The following GSDMB variants were observed in gnomAD, a reference collection of about 807,000 sequenced individuals.
GSDMB encodes gasdermin B.
Under a neutral mutation model 42.9 loss-of-function variants are expected in GSDMB, and 32 were observed. That is an observed-to-expected ratio of 0.75 (90% CI 0.56 to 1.00). The LOEUF is 1.00. Ranked by LOEUF, GSDMB falls within the 50% of genes least tolerant of loss-of-function variation. GSDMB has a pLI of 0.00. For synonymous variants in GSDMB, 175 were observed against 193.7 expected (o/e 0.90, Z 0.80); for missense variants, 468 against 498.5 (o/e 0.94, Z 0.58).
intron 1 of GSDMB, 36 bp from the exon 2 acceptor site, chr17:39,917,366 A>G: frequency 8.1e-7 from 1 of 1,231,640 alleles, no homozygotes; most frequent in Non-Finnish European, 1.2e-6. Flanking sequence ...TTTTGGGAGG[A>G]GGGTATTGGT....
intron 3 of GSDMB, among the ~76,000 whole-genome samples, chr17:39,910,567 G>C (rs774269373): frequency 4.6e-5 from 7 of 152,134 alleles, no homozygotes; most frequent in Non-Finnish European, 7.3e-5. Flanking sequence ...AGTCCAAAGA[G>C]AGTGCCCTTC....
At chr17:39,910,788 A>T (rs775427255) in intron 3 of GSDMB, among the ~76,000 whole-genome samples, 3 of 152,174 alleles carry the variant, frequency 2.0e-5, no homozygotes, top group Non-Finnish European at 4.4e-5. Flanking sequence ...CCCTCAAGAC[A>T]TGGGTCCCTG....
chr17:39,915,543 T>A (rs929805511), intron 2 of GSDMB, among the ~76,000 whole-genome samples: 30 of 152,166 alleles, frequency 2.0e-4, no homozygotes, highest in African/African-American at 7.2e-4. Context: ...TGGCAAAACA[T>A]CCTAGTTCTG....
At chr17:39,911,403 A>T (rs2063606187) in intron 3 of GSDMB, among the ~76,000 whole-genome samples, 1 of 151,902 alleles carries the variant, frequency 6.6e-6, no homozygotes, top group Admixed American at 6.6e-5. Flanking sequence ...ACTGTGGGTC[A>T]CCTTCCCCTG....
intron 7 of GSDMB, chr17:39,906,722 C>T (rs1015869801): frequency 5.6e-6 from 7 of 1,255,816 alleles, no homozygotes; most frequent in African/African-American, 4.5e-5. Context: ...TTTCTGGAGA[C>T]GGGACTCAGT....
At position 39,904,912 on chromosome 17, in the gene GSDMB, T is replaced by C. The variant is rs1458005166; in HGVS notation, c.1151A>G (p.Asp384Gly). The C allele has an allele frequency of 1.2e-6, 2 of 1,613,548 alleles. No homozygotes were observed. Among genetic ancestry groups the C allele is most frequent in the Admixed American group, 1.7e-5 (1 of 60,006 alleles). Residue 384 changes from aspartate to glycine, a missense_variant, in exon 11 of 11, where the codon GAC becomes GGC. Physicochemically the swap from Asp to Gly is moderately conservative, Grantham distance 94 (BLOSUM62 -1). Transcript: ENST00000418519. ...TCGTGCCTCAGGGTCATAGTCCATGTCAGGAGGACTGCTGGCCAGCTCATC... is the reference window on the plus strand; with the variant it reads ...TCGTGCCTCAGGGTCATAGTCCATGCCAGGAGGACTGCTGGCCAGCTCATC... ...NWDELASSPP[D>G]MDYDPEARIL...
chr17:39,907,101 G>A, intron 6 of GSDMB, 114 bp from the exon 7 acceptor site: 2 of 1,551,512 alleles, frequency 1.3e-6, no homozygotes, highest in Admixed American at 1.9e-5. Flanking sequence ...CTCACTGCTG[G>A]TGCCAGGGAG....
At chr17:39,906,675 C>A in intron 7 of GSDMB, 1 of 1,225,780 alleles carries the variant, frequency 8.2e-7, no homozygotes, top group Non-Finnish European at 1.1e-6. Context: ...ATTACAAATC[C>A]TGATGTCCAG....
At chr17:39,906,859 C>T (rs769121711) in intron 7 of GSDMB, 102 bp downstream of exon 7, 40 of 1,587,272 alleles carry the variant, frequency 2.5e-5, no homozygotes, top group Non-Finnish European at 3.3e-5. Flanking sequence ...CTCCCGACTT[C>T]CTACCCACTC....
chr17:39,918,618 T>A lies in GSDMB; in HGVS notation c.-99A>T, dbSNP rs549308230. 1.1e-4 allele frequency: 17 copies of A among 151,950 alleles called. No individual in the cohort carries two copies. The highest frequency in any genetic ancestry group is 3.9e-4 in the African/African-American group (16 of 41,474). 9.4% of individuals were successfully genotyped at this position (151,950 alleles called of 1,614,324 possible). On this transcript the variant is annotated 5_prime_UTR_variant, in exon 1 of 11. Transcript: ENST00000418519. ...CTGCACAGTTCCTGGCCTCTGAATCTCAGGAAGCTAAAATAATGAAACTGA... is the reference window on the plus strand; with the variant it reads ...CTGCACAGTTCCTGGCCTCTGAATCACAGGAAGCTAAAATAATGAAACTGA...
chr17:39,911,089 G>T (rs1175154285), intron 3 of GSDMB, among the ~76,000 whole-genome samples: 1 of 152,100 alleles, frequency 6.6e-6, no homozygotes, highest in Non-Finnish European at 1.5e-5. Context: ...ATCACCTGAG[G>T]TCAGGAGTTC....
At chr17:39,917,055 G>C in intron 2 of GSDMB, 27 bp downstream of exon 2, 1 of 1,494,148 alleles carries the variant, frequency 6.7e-7, no homozygotes, top group Non-Finnish European at 9.3e-7. Flanking sequence ...CTCCTGGCTG[G>C]CCACCTGTCA....
At chr17:39,911,111 T>G (rs984521131) in intron 3 of GSDMB, among the ~76,000 whole-genome samples, 1 of 151,886 alleles carries the variant, frequency 6.6e-6, no homozygotes, top group Non-Finnish European at 1.5e-5. Flanking sequence ...AGACCAGATC[T>G]CTCTCCAAAA....
At chr17:39,905,623 T>G in intron 9 of GSDMB, 127 bp from the exon 10 acceptor site, 1 of 925,874 alleles carries the variant, frequency 1.1e-6, no homozygotes, top group Non-Finnish European at 1.7e-6. Flanking sequence ...TAGATGAGAC[T>G]TACTCCAAAC....
intron 2 of GSDMB, among the ~76,000 whole-genome samples, chr17:39,912,823 G>A (rs921650): frequency 0.6 from 90,884 of 152,158 alleles, 28,388 homozygotes; most frequent in African/African-American, 0.79. Flanking sequence ...AGGGAAATTA[G>A]GGCTGGGCAC....
rs1347258625 is a variant in GSDMB at position 39,917,216 on chromosome 17, A to G, written c.101T>C (p.Phe34Ser). The G allele has an allele frequency of 6.2e-7, 1 of 1,614,016 alleles. No homozygotes were observed. The highest frequency in any genetic ancestry group is 8.5e-7 in the Non-Finnish European group (1 of 1,179,864). ...AVRSLVDADR[F>S]RCFHLVGEKR... ...CTCCCCCACCAGATGGAAGCAGCGGAATCTATCAGCATCAACAAGGCTTCT... is the reference window on the plus strand; with the variant it reads ...CTCCCCCACCAGATGGAAGCAGCGGGATCTATCAGCATCAACAAGGCTTCT... Residue 34 changes from phenylalanine (F) to serine (S), a missense_variant, in exon 2 of 11, where the codon TTC becomes TCC. Physicochemically the swap from Phe to Ser is radical, Grantham distance 155. Transcript: ENST00000418519.
At chr17:39,911,762 C>G (rs1425438563) in intron 3 of GSDMB, among the ~76,000 whole-genome samples, 1 of 152,122 alleles carries the variant, frequency 6.6e-6, no homozygotes, top group Non-Finnish European at 1.5e-5. Context: ...CTGGCTTGCC[C>G]ACAAGGCAGA....
rs2063627983 is a variant in GSDMB at position 39,912,397 on chromosome 17, G to T, written c.336C>A (p.Gly112=). ...ATATCTTGATTTTCTGATGGTGGAA[G>T]CCCTGGAAACTGCCTGAAATTGTTA... ...KEITISGSFQ[G]FHHQKIKISE... Residue 112 remains glycine (G), a synonymous_variant, in exon 3 of 11, where the codon GGC becomes GGA. Transcript: ENST00000418519. The T allele has an allele frequency of 6.2e-7, 1 of 1,613,558 alleles. No individual in the cohort carries two copies. The highest frequency in any genetic ancestry group is 8.5e-7 in the Non-Finnish European group (1 of 1,179,516).
chr17:39,910,714 G>A (rs1256824160), intron 3 of GSDMB, among the ~76,000 whole-genome samples: 2 of 152,142 alleles, frequency 1.3e-5, no homozygotes, highest in East Asian at 1.9e-4. Flanking sequence ...TTCCATTCCC[G>A]CTGGGGGAAA....
Sources: allele counts gnomAD v4.1 joint callset (sites outside exome capture counted in the v4.1 genomes callset), GRCh38; gene constraint gnomAD v4.1.1; transcripts MANE v1.5; gene names NCBI Gene and HGNC (gene_info 2026-07-23, HGNC 2026-07-21).